ATP6V1H: variants seen among roughly 807,000 people sequenced by gnomAD.
ATP6V1H encodes the protein V-type proton ATPase subunit H.
In ATP6V1H, 39 loss-of-function variants were observed where a neutral mutation model predicts 71.7. The observed-to-expected ratio is 0.54, with a 90% CI of 0.42 to 0.71. ATP6V1H has a LOEUF of 0.71. ATP6V1H is among the 30% of genes least tolerant of loss of function. The pLI is 0.00. For synonymous variants in ATP6V1H, 192 were observed against 199.3 expected, an observed-to-expected ratio of 0.96 and a Z score of 0.31; for missense variants, 509 against 594.9, an observed-to-expected ratio of 0.86 and a Z score of 1.50.
At chr8:53,791,355 T>A (rs1271445457) in intron 9 of ATP6V1H, among the ~76,000 whole-genome samples, 1 of 152,190 alleles carries the variant, frequency 6.6e-6, no homozygotes, top group East Asian at 1.9e-4. Context: ...ATAACCAGGA[T>A]GACTGAAATA....
rs186042023 is a variant in ATP6V1H at position 53,811,131 on chromosome 8, G to A, written c.579+33C>T. On this transcript the variant is annotated intron_variant, in intron 7 of 13. Transcript: ENST00000359530. ...ATATGACTCAAAATAATTTATTTTG[G>A]GGATGTTTAGGCCAGTGAAGGAATA... is the stretch of plus-strand genomic sequence containing the variant. 4.1e-4 allele frequency: 648 copies of A among 1,587,488 alleles called. 1 individual carries two copies. In the African/African-American group the frequency reaches 7.1e-3, roughly 17 times the overall value.
intron 12 of ATP6V1H, among the ~76,000 whole-genome samples, chr8:53,751,025 C>G (rs1446111142): frequency 6.6e-6 from 1 of 152,142 alleles, no homozygotes; most frequent in Non-Finnish European, 1.5e-5. Flanking sequence ...AACCAAGGCA[C>G]AGAGAGGTAA....
At chr8:53,840,048 G>T in intron 2 of ATP6V1H, 1 of 419,254 alleles carries the variant, frequency 2.4e-6, no homozygotes, top group African/African-American at 2.2e-5. Flanking sequence ...CTATTCCCAA[G>T]GCTGCTCCTA....
intron 7 of ATP6V1H, 58 bp downstream of exon 7, chr8:53,811,106 A>T: frequency 6.7e-7 from 1 of 1,495,962 alleles, no homozygotes; most frequent in East Asian, 2.3e-5. Context: ...TTTTAAGTGT[A>T]TATGACTCAA....
chr8:53,823,417 T>C (rs1053214151), intron 4 of ATP6V1H, among the ~76,000 whole-genome samples: 2 of 151,944 alleles, frequency 1.3e-5, no homozygotes, highest in Non-Finnish European at 2.9e-5. Context: ...TCACTACATA[T>C]CAGAGCTGAA....
intron 9 of ATP6V1H, among the ~76,000 whole-genome samples, chr8:53,773,773 A>G (rs1212768374): frequency 6.6e-6 from 1 of 152,226 alleles, no homozygotes; most frequent in Admixed American, 6.5e-5. Context: ...AAAAATCCTC[A>G]ATGAAATAAA....
Position 53,757,830 on chromosome 8 carries a change from T to C in ATP6V1H, c.1176-1174A>G, listed in dbSNP as rs544045258. On this transcript the variant is annotated intron_variant, in intron 11 of 13. Coordinates refer to ENST00000359530, the MANE Select transcript of ATP6V1H (RefSeq NM_015941.4). ...TCATAGTACTAATCACCACCTGCCA[T>C]TGTAATATGTATTAAGACAGTCATG... Among the ~76,000 whole-genome samples the C allele has an allele frequency of 6.6e-5, 10 of 152,348 alleles. No individual in the cohort carries two copies. In the South Asian group the frequency reaches 1.9e-3, roughly 28 times the overall value.
chr8:53,769,014 T>A (rs1449507188), intron 11 of ATP6V1H, among the ~76,000 whole-genome samples: 2 of 152,160 alleles, frequency 1.3e-5, no homozygotes, highest in Non-Finnish European at 2.9e-5. Flanking sequence ...CTGGTGGAAG[T>A]GTTTTCAATA....
chr8:53,779,734 T>A (rs1015539705), intron 9 of ATP6V1H, among the ~76,000 whole-genome samples: 3 of 152,128 alleles, frequency 2.0e-5, no homozygotes, highest in Admixed American at 6.6e-5. Context: ...CTTTCGATGG[T>A]CTTTCCCAGT....
intron 4 of ATP6V1H, among the ~76,000 whole-genome samples, chr8:53,825,873 TA>T (rs976645584): frequency 1.3e-5 from 2 of 151,946 alleles, no homozygotes; most frequent in African/African-American, 2.4e-5. Context: ...AAATCTAGAT[TA>T]AAAAAATTTT....
Position 53,817,675 on chromosome 8 carries a change from C to G in ATP6V1H, c.307-145G>C, listed in dbSNP as rs142868258. The G allele has an allele frequency of 5.2e-4, 281 of 544,656 alleles. 2 individuals carry two copies. The highest frequency in any genetic ancestry group is 4.2e-3 in the South Asian group (184 of 43,512). 33.7% of individuals were successfully genotyped at this position (544,656 alleles called of 1,614,324 possible). ...TGTGATTTGTCTGTCATTATTACTACGGGGCAGGGGGTAGGGATGGTAGTA... is the reference window on the plus strand; with the variant it reads ...TGTGATTTGTCTGTCATTATTACTAGGGGGCAGGGGGTAGGGATGGTAGTA... On this transcript the variant is annotated intron_variant, in intron 4 of 13. Transcript: ENST00000359530.
At chr8:53,752,759 C>G (rs1224558638) in intron 12 of ATP6V1H, among the ~76,000 whole-genome samples, 1 of 152,004 alleles carries the variant, frequency 6.6e-6, no homozygotes, top group Non-Finnish European at 1.5e-5. Flanking sequence ...CCATGTTGGC[C>G]AAGGATGGTC....
chr8:53,810,467 C>T (rs1434306394), intron 7 of ATP6V1H, among the ~76,000 whole-genome samples: 4 of 152,132 alleles, frequency 2.6e-5, no homozygotes, highest in African/African-American at 7.2e-5. Flanking sequence ...GAAGGCCTGG[C>T]GTGGTGGCTC....
intron 2 of ATP6V1H, chr8:53,839,968 C>T (rs916653415): frequency 1.2e-5 from 12 of 964,104 alleles, no homozygotes; most frequent in Non-Finnish European, 1.4e-5. Flanking sequence ...CATTGCCTGC[C>T]TCCAAAACAT....
At chr8:53,769,008 T>C (rs988054032) in intron 11 of ATP6V1H, among the ~76,000 whole-genome samples, 9 of 152,150 alleles carry the variant, frequency 5.9e-5, no homozygotes, top group Admixed American at 5.9e-4. Context: ...AGGGCACTGG[T>C]GGAAGTGTTT....
At chr8:53,832,911 T>C in intron 3 of ATP6V1H, 73 bp downstream of exon 3, 1 of 995,638 alleles carries the variant, frequency 1.0e-6, no homozygotes, top group African/African-American at 1.6e-5. Context: ...GGAAGTCACT[T>C]ATAATCACTA....
At chr8:53,777,257 A>G (rs1375149686) in intron 9 of ATP6V1H, among the ~76,000 whole-genome samples, 3 of 152,226 alleles carry the variant, frequency 2.0e-5, no homozygotes, top group Non-Finnish European at 4.4e-5. Context: ...AAATAAAACT[A>G]AATCCAGACA....
intron 13 of ATP6V1H, among the ~76,000 whole-genome samples, chr8:53,732,192 CAAGT>C (rs372804321): frequency 5.7e-3 from 864 of 152,268 alleles, no homozygotes; most frequent in South Asian, 0.015. Flanking sequence ...GTGAATTAGA[CAAGT>C]GAGTGACCTT....
chr8:53,766,100 C>T (rs1349923627), intron 11 of ATP6V1H, among the ~76,000 whole-genome samples: 3 of 152,214 alleles, frequency 2.0e-5, no homozygotes, highest in Non-Finnish European at 4.4e-5. Context: ...AATGAGGAAA[C>T]TACACAATAC....
Sources: allele counts gnomAD v4.1 joint callset (sites outside exome capture counted in the v4.1 genomes callset), GRCh38; gene constraint gnomAD v4.1.1; transcripts MANE v1.5; gene names NCBI Gene and HGNC (gene_info 2026-07-23, HGNC 2026-07-21).